FTL: variants seen among roughly 807,000 people sequenced by gnomAD.
The protein encoded by FTL is ferritin light chain.
In FTL, 17 loss-of-function variants were observed where a neutral mutation model predicts 16.6. The ratio of observed to expected loss-of-function variants is 1.02; its 90% CI spans 0.70 to 1.53. FTL has a LOEUF of 1.53. Ranked by LOEUF, FTL falls within the 40% of genes most tolerant of loss-of-function variation. The pLI is 0.00. For missense variants in FTL, 186 were observed against 226.1 expected, an observed-to-expected ratio of 0.82 and a Z score of 1.14; for synonymous variants, 73 against 89.9, an observed-to-expected ratio of 0.81 and a Z score of 1.06.
At position 48,966,422 on chromosome 19, in the gene FTL, A is replaced by G. The variant is rs2038455857; in HGVS notation, c.375+16A>G. On this transcript the variant is annotated intron_variant, in intron 3 of 3. Transcript: ENST00000331825. The stretch of plus-strand genomic sequence containing the variant: ...GGACCCCCATGTACGTACCCGCTGC[A>G]TCCATGGCTACCCAACCATACCCCT... 3 of 1,614,012 alleles carry G rather than the reference A, an allele frequency of 1.9e-6. No homozygotes were observed. The highest frequency in any genetic ancestry group is 2.5e-6 in the Non-Finnish European group (3 of 1,180,030).
In FTL at chr19:48,965,835, C is replaced by G. The variant is rs1472761218; in HGVS notation, c.168C>G (p.Ala56=). ...EGVSHFFREL[A]EEKREGYERL... ...TGAGCCACTTCTTCCGCGAATTGGC[C>G]GAGGAGAAGCGCGAGGGCTACGAGC... The change falls in exon 2 of 4, where the codon GCC becomes GCG. Residue 56 remains alanine (A), a synonymous_variant. Transcript: ENST00000331825. The G allele has an allele frequency of 1.2e-6, 2 of 1,614,154 alleles. No homozygotes were observed. Among genetic ancestry groups the G allele is most frequent in the South Asian group, 1.1e-5 (1 of 91,084 alleles).
Position 48,965,599 on chromosome 19 carries a change from A to G in FTL, c.92A>G (p.Tyr31Cys), listed in dbSNP as rs1555796994. 22 of 1,612,856 alleles carry G rather than the reference A, an allele frequency of 1.4e-5. No individual in the cohort carries two copies. The highest frequency in any genetic ancestry group is 1.8e-5 in the Non-Finnish European group (21 of 1,179,086). ...VNLYLQASYT[Y>C]LSLGFYFDRD... ...TTGTACCTGCAGGCCTCCTACACCT[A>G]CCTCTCTCTGGTGAGTCCCCAGGAC... The change falls in exon 1 of 4, where the codon TAC (tyrosine) becomes TGC (cysteine). Residue 31 changes from tyrosine (Y) to cysteine (C), a missense_variant. Tyr to Cys is a radical substitution (Grantham distance 194). Coordinates refer to ENST00000331825, the MANE Select transcript of FTL (RefSeq NM_000146.4).
chr19:48,965,944 A>G, intron 2 of FTL, 28 bp downstream of exon 2: 1 of 1,612,684 alleles, frequency 6.2e-7, no homozygotes, highest in Non-Finnish European at 8.5e-7. Flanking sequence ...AATGGACTAC[A>G]TCTCCCAGCA....
chr19:48,965,881 C>T lies in FTL; in HGVS notation c.214C>T (p.Gln72Ter), dbSNP rs2038447016. ...GYERLLKMQN[Q>*]RGGRALFQDI... The stretch of plus-strand genomic sequence containing the variant: ...CGAGCGTCTCCTGAAGATGCAAAAC[C>T]AGCGTGGCGGCCGCGCTCTCTTCCA... Residue 72 changes from glutamine (Q) to a stop codon, truncating the protein, a stop_gained, in exon 2 of 4, where the codon CAG becomes TAG. Coordinates refer to ENST00000331825, the MANE Select transcript of FTL (RefSeq NM_000146.4). LOFTEE classifies it high-confidence loss of function. 1 of 1,614,060 alleles carries T rather than the reference C, an allele frequency of 6.2e-7. No individual in the cohort carries two copies. The highest frequency in any genetic ancestry group is 1.3e-5 in the African/African-American group (1 of 74,934).
chr19:48,966,469 C>T, intron 3 of FTL, 63 bp downstream of exon 3: 2 of 1,613,874 alleles, frequency 1.2e-6, no homozygotes, highest in Non-Finnish European at 1.7e-6. Flanking sequence ...TCCCTTTGGG[C>T]AAATTTCCTT....
At chr19:48,966,071 A>C in intron 2 of FTL, 155 bp downstream of exon 2, 4 of 1,200,368 alleles carry the variant, frequency 3.3e-6, no homozygotes, top group Non-Finnish European at 4.8e-6. Context: ...CACCTCGTGC[A>C]GTGCCCACAA....
Position 48,966,679 on chromosome 19 carries a change from C to G in FTL, c.472C>G (p.Pro158Ala), listed in dbSNP as rs1366471952. Residue 158 changes from proline (P) to alanine (A), a missense_variant, in exon 4 of 4, where the codon CCG becomes GCG. By Grantham distance (27) the Pro-to-Ala change is conservative. Coordinates refer to ENST00000331825, the MANE Select transcript of FTL (RefSeq NM_000146.4). ...HLTNLHRLGG[P>A]EAGLGEYLFE... ...GACCAACCTCCACAGGCTGGGTGGC[C>G]CGGAGGCTGGGCTGGGCGAGTATCT... 6.2e-7 allele frequency: 1 copy of G among 1,613,806 alleles called. No individual in the cohort carries two copies. The highest frequency in any genetic ancestry group is 8.5e-7 in the Non-Finnish European group (1 of 1,180,000).
chr19:48,966,148 G>GGA, intron 2 of FTL, 133 bp from the exon 3 acceptor site: 8 of 1,378,224 alleles, frequency 5.8e-6, no homozygotes, highest in Non-Finnish European at 8.2e-6. Flanking sequence ...GACAGGGTGC[G>GGA]GAGAGTGATA....
In FTL at chr19:48,966,841, C is replaced by A; in HGVS notation, c.*106C>A. 2 of 1,222,440 alleles carry A rather than the reference C, an allele frequency of 1.6e-6. No individual in the cohort carries two copies. Among genetic ancestry groups the A allele is most frequent in the African/African-American group, 1.5e-5 (1 of 67,148 alleles). The allele number at this position is 1,222,440 out of a possible 1,614,324, so 75.7% of individuals were successfully genotyped here. On this transcript the variant is annotated 3_prime_UTR_variant, in exon 4 of 4. Transcript: ENST00000331825. ...TAGGCAGCTTTCTTAACTATCCTAA[C>A]AAGCCTTGGACCAAATGGAAATAAA...
chr19:48,966,091 G>T, intron 2 of FTL, 175 bp downstream of exon 2: 1 of 1,188,014 alleles, frequency 8.4e-7, no homozygotes, highest in Non-Finnish European at 1.2e-6. Context: ...ACACGCGGCA[G>T]TCCACACCGC....
intron 2 of FTL, 56 bp downstream of exon 2, chr19:48,965,972 G>A (rs767916610): frequency 1.8e-5 from 28 of 1,597,382 alleles, no homozygotes; most frequent in Non-Finnish European, 2.3e-5. Flanking sequence ...CGCGCGAGGA[G>A]CCTTGATTTG....
intron 2 of FTL, 177 bp from the exon 3 acceptor site, chr19:48,966,104 C>A (rs1352302785): frequency 1.7e-6 from 2 of 1,194,360 alleles, no homozygotes; most frequent in South Asian, 2.5e-5. Flanking sequence ...CACACCGCTG[C>A]GTGGTCTTAG....
intron 1 of FTL, 43 bp downstream of exon 1, chr19:48,965,652 C>T (rs2038443341): frequency 1.9e-6 from 3 of 1,598,332 alleles, no homozygotes; most frequent in African/African-American, 2.7e-5. Flanking sequence ...CCTCCAGCTG[C>T]GCACCTCCGG....
chr19:48,966,121 A>G (rs2038450823), intron 2 of FTL, 160 bp from the exon 3 acceptor site: 1 of 1,251,790 alleles, frequency 8.0e-7, no homozygotes, highest in Non-Finnish European at 1.2e-6. Flanking sequence ...TTAGGGACGT[A>G]TAGCTGTAAG....
At chr19:48,965,703 A>G in intron 1 of FTL, 67 bp from the exon 2 acceptor site, 9 of 1,611,202 alleles carry the variant, frequency 5.6e-6, no homozygotes, top group Non-Finnish European at 7.6e-6. Context: ...CGGTCGGGTA[A>G]ACAGAGGGCG....
At position 48,966,316 on chromosome 19, in the gene FTL, C is replaced by G. The variant is rs761898357; in HGVS notation, c.285C>G (p.Asp95Glu). 1 of 1,614,114 alleles carries G rather than the reference C, an allele frequency of 6.2e-7. No homozygotes were observed. Among genetic ancestry groups the G allele is most frequent in the Admixed American group, 1.7e-5 (1 of 60,018 alleles). The change falls in exon 3 of 4, where the codon GAC becomes GAG. Residue 95 changes from aspartate to glutamate, a missense_variant. By Grantham distance (45) the Asp-to-Glu change is conservative (BLOSUM62 2). Transcript: ENST00000331825. Reference sequence around the variant, plus strand: ...AAGATGAGTGGGGTAAAACCCCAGACGCCATGAAAGCTGCCATGGCCCTGG... The same window carrying G: ...AAGATGAGTGGGGTAAAACCCCAGAGGCCATGAAAGCTGCCATGGCCCTGG... ...PAEDEWGKTP[D>E]AMKAAMALEK...
Position 48,966,292 on chromosome 19 carries a change from A to C in FTL, c.261A>C (p.Glu87Asp), listed in dbSNP as rs762786833. ...ALFQDIKKPA[E>D]DEWGKTPDAM... is the part of the protein sequence containing the mutation. Reference sequence around the variant, plus strand: ...TCCCTTCTATATAGAAGCCAGCTGAAGATGAGTGGGGTAAAACCCCAGACG... The same window carrying C: ...TCCCTTCTATATAGAAGCCAGCTGACGATGAGTGGGGTAAAACCCCAGACG... Residue 87 changes from glutamate to aspartate, a missense_variant, in exon 3 of 4, where the codon GAA becomes GAC. By Grantham distance (45) the Glu-to-Asp change is conservative. Coordinates refer to ENST00000331825, the MANE Select transcript of FTL (RefSeq NM_000146.4). 1.9e-6 allele frequency: 3 copies of C among 1,614,120 alleles called. No individual in the cohort carries two copies. Among genetic ancestry groups the C allele is most frequent in the Non-Finnish European group, 1.7e-6 (2 of 1,180,022 alleles).
chr19:48,965,935 A>G lies in FTL; in HGVS notation c.249+19A>G. The G allele has an allele frequency of 1.2e-6, 2 of 1,613,638 alleles. No individual in the cohort carries two copies. Among genetic ancestry groups the G allele is most frequent in the Non-Finnish European group, 1.7e-6 (2 of 1,179,790 alleles). The stretch of plus-strand genomic sequence containing the variant: ...CATCAAGGTAACTAGTGTGTGGGTA[A>G]TGGACTACATCTCCCAGCAGGCCGT... On this transcript the variant is annotated intron_variant, in intron 2 of 3. Transcript: ENST00000331825.
At position 48,966,269 on chromosome 19, in the gene FTL, C is replaced by T. The variant is rs746175641; in HGVS notation, c.250-12C>T. Reference sequence around the variant, plus strand: ...GTGTGTGTATTCTGAGCCATTTCTCCCTTCTATATAGAAGCCAGCTGAAGA... The same window carrying T: ...GTGTGTGTATTCTGAGCCATTTCTCTCTTCTATATAGAAGCCAGCTGAAGA... On this transcript the variant is annotated splice_polypyrimidine_tract_variant and intron_variant, in intron 2 of 3. Coordinates refer to ENST00000331825, the MANE Select transcript of FTL (RefSeq NM_000146.4). The T allele has an allele frequency of 2.5e-6, 4 of 1,613,858 alleles. No homozygotes were observed. Among genetic ancestry groups the T allele is most frequent in the African/African-American group, 1.3e-5 (1 of 74,916 alleles).
Sources: gnomAD v4.1 joint callset for allele counts on GRCh38, gnomAD v4.1.1 for gene constraint, MANE v1.5 for transcripts, NCBI Gene and HGNC (gene_info 2026-07-23, HGNC 2026-07-21) for gene names.